The following CMTM4 variants were observed in gnomAD, a reference collection of about 807,000 sequenced individuals.
CMTM4 encodes the protein CKLF like MARVEL transmembrane domain containing 4.
In CMTM4, 8 loss-of-function variants were observed where a neutral mutation model predicts 19.0. The ratio of observed to expected loss-of-function variants is 0.42; its 90% confidence interval spans 0.25 to 0.76. CMTM4 has a LOEUF of 0.76. Among genes scored for constraint, CMTM4 ranks in the 30% least tolerant of loss-of-function variants. CMTM4 has a pLI of 0.27. For synonymous variants in CMTM4, 106 were observed against 121.1 expected (o/e 0.88, Z 0.82); for missense variants, 228 against 290.2 (o/e 0.79, Z 1.56).
Position 66,616,279 on chromosome 16 carries a change from C to G in CMTM4, c.*5779G>C, listed in dbSNP as rs1477560428. On this transcript the variant is annotated 3_prime_UTR_variant, in exon 4 of 4. Coordinates refer to ENST00000394106, the MANE Select transcript of CMTM4 (RefSeq NM_181521.3). ...TGCCTTAAAATATACAAAGAATTGCCTACTTTGAAAAAAAAATAGTCATAC... is the reference window on the plus strand; with the variant it reads ...TGCCTTAAAATATACAAAGAATTGCGTACTTTGAAAAAAAAATAGTCATAC... 6.6e-6 allele frequency: 1 copy of G among 151,684 alleles called. No homozygotes were observed. Among genetic ancestry groups the G allele is most frequent in the Non-Finnish European group, 1.5e-5 (1 of 67,918 alleles). 9.4% of individuals were successfully genotyped at this position (151,684 alleles called of 1,614,324 possible).
At chr16:66,609,778 G>A (rs749749982), downstream of CMTM4, 165 of 1,608,862 alleles carry the variant, frequency 1.0e-4, 1 homozygote, top group Middle Eastern at 2.5e-3. The surrounding 1 kb of genome is among the most constrained non-coding windows in gnomAD (Gnocchi z 4.4). Context: ...CCTGACACTC[G>A]GGCTGTTTGT....
At chr16:66,667,327 A>AAAAAT (rs2016615444) in intron 1 of CMTM4, among the ~76,000 whole-genome samples, 1 of 152,138 alleles carries the variant, frequency 6.6e-6, no homozygotes, top group Non-Finnish European at 1.5e-5. Flanking sequence ...TCCCTCTCAA[A>AAAAAT]AAAATAAAAT....
intron 1 of CMTM4, among the ~76,000 whole-genome samples, chr16:66,646,841 G>A (rs1278009157): frequency 1.3e-5 from 2 of 151,672 alleles, no homozygotes; most frequent in Non-Finnish European, 2.9e-5. Flanking sequence ...TGAGTAGCTG[G>A]GATTATAGGT....
At chr16:66,626,409 C>A (rs1426754261) in intron 2 of CMTM4, among the ~76,000 whole-genome samples, 1 of 152,082 alleles carries the variant, frequency 6.6e-6, no homozygotes, top group African/African-American at 2.4e-5. Flanking sequence ...CTCAAGACCA[C>A]CCCTAGGCAA....
intron 1 of CMTM4, among the ~76,000 whole-genome samples, chr16:66,655,356 C>A (rs975521796): frequency 3.3e-5 from 5 of 151,936 alleles, no homozygotes; most frequent in Non-Finnish European, 7.4e-5. Context: ...CCCCAAGTAC[C>A]CAGATTGAGG....
the CMTM4 span, chr16:66,604,031 A>AGT: frequency 0.014 from 2,079 of 147,978 alleles, 27 homozygotes; most frequent in African/African-American, 0.034. Context: ...GTGCGTGTGG[A>AGT]GTGTGTGTGT....
At chr16:66,683,202 T>C (rs866201144) in intron 1 of CMTM4, among the ~76,000 whole-genome samples, 6 of 137,172 alleles carry the variant, frequency 4.4e-5, no homozygotes, top group East Asian at 4.2e-4. Flanking sequence ...TACATATATA[T>C]ATATATATAA....
intron 1 of CMTM4, among the ~76,000 whole-genome samples, chr16:66,677,848 T>C (rs2016835843): frequency 6.6e-6 from 1 of 152,148 alleles, no homozygotes; most frequent in South Asian, 2.1e-4. Context: ...ATTATAGGCA[T>C]GTGCCATGAT....
At chr16:66,628,249 C>CT (rs1409225530) in intron 2 of CMTM4, among the ~76,000 whole-genome samples, 1 of 152,226 alleles carries the variant, frequency 6.6e-6, no homozygotes, top group African/African-American at 2.4e-5. Context: ...TGGCCTTTCT[C>CT]TATCTCAACT....
intron 1 of CMTM4, among the ~76,000 whole-genome samples, chr16:66,686,546 C>CAAA (rs35913878): frequency 2.2e-4 from 19 of 87,012 alleles, no homozygotes; most frequent in East Asian, 3.2e-4. Flanking sequence ...GACTCTGTCT[C>CAAA]AAAAAAAAAA....
At chr16:66,665,456 A>C (rs2016575085) in intron 1 of CMTM4, among the ~76,000 whole-genome samples, 1 of 152,102 alleles carries the variant, frequency 6.6e-6, no homozygotes, top group Non-Finnish European at 1.5e-5. Flanking sequence ...TCAAAATTAG[A>C]AACTTGGTCT....
Position 66,621,589 on chromosome 16 carries a change from T to C in CMTM4, c.*469A>G, listed in dbSNP as rs1191325091. The C allele has an allele frequency of 9.1e-6, 9 of 989,796 alleles. No homozygotes were observed. Among genetic ancestry groups the C allele is most frequent in the Admixed American group, 5.9e-5 (1 of 17,032 alleles). The allele number at this position is 989,796 out of a possible 1,614,324, so 61.3% of individuals were successfully genotyped here. A position where few individuals can be genotyped will look rare whatever the true frequency, so the allele number is the denominator to read the frequency against. The stretch of plus-strand genomic sequence containing the variant: ...TGCCTGGGGGCCCTGGCATGGAAGA[T>C]GAGGAGTGGGCTGGATCCCAGCACG... On this transcript the variant is annotated 3_prime_UTR_variant, in exon 4 of 4. Coordinates refer to ENST00000394106, the MANE Select transcript of CMTM4 (RefSeq NM_181521.3).
chr16:66,676,255 CA>C (rs1316685786), intron 1 of CMTM4, among the ~76,000 whole-genome samples: 1 of 152,146 alleles, frequency 6.6e-6, no homozygotes, highest in East Asian at 1.9e-4. Flanking sequence ...CAGAACATCA[CA>C]AAGAGTTGAT....
At chr16:66,677,945 G>A (rs904293368) in intron 1 of CMTM4, among the ~76,000 whole-genome samples, 2 of 152,140 alleles carry the variant, frequency 1.3e-5, no homozygotes, top group Admixed American at 6.6e-5. Flanking sequence ...TCATTTGCCC[G>A]CCTCAGCCTC....
chr16:66,685,555 C>T (rs566058654), intron 1 of CMTM4, among the ~76,000 whole-genome samples: 3 of 152,222 alleles, frequency 2.0e-5, no homozygotes, highest in Non-Finnish European at 4.4e-5. Flanking sequence ...TTCATTCTAC[C>T]GAGAGAGAAG....
At chr16:66,605,246 C>G in the CMTM4 span, 2 of 275,860 alleles carry the variant, frequency 7.3e-6, no homozygotes, top group Non-Finnish European at 1.4e-5. This position sits in a 1 kb window ranked among gnomAD's most constrained non-coding sequence, Gnocchi z 4.6. Context: ...GCTGTGTGAG[C>G]CAGGCGCCCC....
chr16:66,680,545 C>T (rs577549876), intron 1 of CMTM4, among the ~76,000 whole-genome samples: 6 of 151,418 alleles, frequency 4.0e-5, no homozygotes, highest in Non-Finnish European at 7.4e-5. Context: ...GAGGCCAAGG[C>T]GGGCAGATCA....
intron 2 of CMTM4, among the ~76,000 whole-genome samples, chr16:66,635,950 G>C (rs192618093): frequency 6.6e-6 from 1 of 152,082 alleles, no homozygotes; most frequent in Non-Finnish European, 1.5e-5. Context: ...AACCCCCCCA[G>C]GTCCTCCTAG....
chr16:66,669,317 G>A (rs987372051), intron 1 of CMTM4, among the ~76,000 whole-genome samples: 3 of 152,172 alleles, frequency 2.0e-5, no homozygotes, highest in African/African-American at 4.8e-5. Context: ...AGAATTGGAT[G>A]TAACTACAAA....
Sources: allele counts gnomAD v4.1 joint callset (sites outside exome capture counted in the v4.1 genomes callset), GRCh38; gene constraint gnomAD v4.1.1; non-coding constraint Gnocchi (gnomAD v3.1); transcripts MANE v1.5; gene names NCBI Gene and HGNC (gene_info 2026-07-23, HGNC 2026-07-21).